SYN1: variants seen among roughly 807,000 people sequenced by gnomAD.
SYN1 encodes the protein synapsin-1.
A neutral mutation model predicts 44.6 loss-of-function variants in SYN1; 8 were observed. The ratio of observed to expected loss-of-function variants is 0.18; its 90% CI spans 0.11 to 0.32. The LOEUF (loss-of-function observed/expected upper bound fraction) is 0.32. Among genes scored for constraint, SYN1 ranks in the 10% least tolerant of loss-of-function variants. The pLI is 1.00. For missense variants in SYN1, 451 were observed against 639.4 expected (o/e 0.71, Z 3.18); for synonymous variants, 275 against 280.1 (o/e 0.98, Z 0.18).
chrX:47,597,405 G>A (rs181806132), intron 5 of SYN1, among the ~76,000 whole-genome samples: 1 of 110,299 alleles, frequency 9.1e-6, no homozygotes, highest in Admixed American at 9.8e-5. Context: ...TCACTAGAGG[G>A]GATCAACAGT....
At chrX:47,611,465 G>C (rs2057916496) in intron 1 of SYN1, among the ~76,000 whole-genome samples, 3 of 112,212 alleles carry the variant, frequency 2.7e-5, no homozygotes, top group Middle Eastern at 4.6e-3. Flanking sequence ...TAAGACCTCA[G>C]GTACAGCAGG....
chrX:47,584,844 C>A lies in SYN1; in HGVS notation c.775-7343G>T, dbSNP rs553053209. On this transcript the variant is annotated intron_variant, in intron 5 of 12. Coordinates refer to ENST00000295987, the MANE Select transcript of SYN1 (RefSeq NM_006950.3). ...ATCCAATAACCCCTATTTATGTATG[C>A]GCTTTGCTGGTATGATGATGATGAT... 6.4e-6 allele frequency: 5 copies of A among 775,678 alleles called. No homozygotes were observed. In the South Asian group the frequency reaches 9.5e-5, roughly 15 times the overall value. The allele number at this position is 775,678 out of a possible 1,213,427, so 63.9% of individuals were successfully genotyped here.
At position 47,605,492 on chromosome X, in the gene SYN1, T is replaced by G. The variant is rs1167276036; in HGVS notation, c.528-113A>C. 1.1e-5 allele frequency: 10 copies of G among 939,027 alleles called. No individual in the cohort carries two copies. In the Admixed American group the frequency reaches 2.6e-4, roughly 24 times the overall value. The allele number at this position is 939,027 out of a possible 1,213,427, so 77.4% of individuals were successfully genotyped here. A position where few individuals can be genotyped will look rare whatever the true frequency, so the allele number is the denominator to read the frequency against. On this transcript the variant is annotated intron_variant, in intron 3 of 12. Transcript: ENST00000295987. Reference sequence around the variant, plus strand: ...AGCTCCCAGAAATTGCAAAGTGGTTTCTCACCTCTGCACACATGTGTGAGC... The same window carrying G: ...AGCTCCCAGAAATTGCAAAGTGGTTGCTCACCTCTGCACACATGTGTGAGC...
At chrX:47,587,519 C>T (rs1357225100) in intron 5 of SYN1, 3 of 113,014 alleles carry the variant, frequency 2.7e-5, no homozygotes, top group Non-Finnish European at 5.6e-5. Flanking sequence ...CTCCTCTGAC[C>T]AACTTGGAAG....
At chrX:47,573,358 C>A (rs898854929) in intron 12 of SYN1, among the ~76,000 whole-genome samples, 2 of 111,360 alleles carry the variant, frequency 1.8e-5, no homozygotes, top group Non-Finnish European at 3.8e-5. Context: ...AGTTTCCAAT[C>A]TAAGGGTGAG....
chrX:47,586,875 A>T, intron 5 of SYN1: 1 of 515,120 alleles, frequency 1.9e-6, no homozygotes, highest in Non-Finnish European at 3.0e-6. Flanking sequence ...GGGATGAGGG[A>T]TGCCAAATGT....
chrX:47,591,919 C>G (rs1256526327), intron 5 of SYN1, among the ~76,000 whole-genome samples: 2 of 111,893 alleles, frequency 1.8e-5, no homozygotes, highest in East Asian at 5.6e-4. Flanking sequence ...GCTCTAGTGA[C>G]TTGAGTCACT....
At chrX:47,595,338 G>A (rs929799674) in intron 5 of SYN1, among the ~76,000 whole-genome samples, 6 of 112,243 alleles carry the variant, frequency 5.3e-5, no homozygotes, top group Non-Finnish European at 1.1e-4. Flanking sequence ...TGTGGACCCC[G>A]ATTTATAGCT....
intron 5 of SYN1, chrX:47,586,906 A>G (rs751038888): frequency 6.8e-6 from 3 of 439,072 alleles, no homozygotes; most frequent in Non-Finnish European, 1.2e-5. Context: ...TATTTTACTT[A>G]AATTCTGATG....
At chrX:47,606,699 A>G (rs1323490982) in intron 3 of SYN1, among the ~76,000 whole-genome samples, 1 of 108,216 alleles carries the variant, frequency 9.2e-6, no homozygotes. Flanking sequence ...AGTGCACTCC[A>G]GCCTGGGAGA....
At chrX:47,582,556 G>A (rs776441677) in intron 5 of SYN1, 7 of 359,046 alleles carry the variant, frequency 1.9e-5, no homozygotes, top group Middle Eastern at 4.5e-4. Context: ...GTGCACTCCC[G>A]TGCCAGATGC....
intron 1 of SYN1, among the ~76,000 whole-genome samples, chrX:47,610,770 C>T (rs1408833614): frequency 2.7e-5 from 3 of 110,648 alleles, no homozygotes; most frequent in African/African-American, 9.9e-5. Context: ...AAACAATGGC[C>T]CACACTAAGT....
chrX:47,591,884 A>G (rs771956563), intron 5 of SYN1, among the ~76,000 whole-genome samples: 1 of 111,751 alleles, frequency 8.9e-6, no homozygotes, highest in South Asian at 3.7e-4. Context: ...GGCAAAAACG[A>G]AACTTTACTA....
intron 5 of SYN1, among the ~76,000 whole-genome samples, chrX:47,588,355 C>T (rs377565884): frequency 1.8e-5 from 2 of 112,865 alleles, no homozygotes; most frequent in Admixed American, 1.9e-4. Flanking sequence ...ATTCGCCAAA[C>T]CTTAGTGTCA....
intron 5 of SYN1, chrX:47,586,041 C>T: frequency 1.0e-6 from 1 of 974,748 alleles, no homozygotes; most frequent in Non-Finnish European, 1.3e-6. Flanking sequence ...TTCCTCAGCA[C>T]ATCTGCTTGT....
At chrX:47,582,433 G>T (rs1383799896) in intron 5 of SYN1, 3 of 246,908 alleles carry the variant, frequency 1.2e-5, no homozygotes, top group Non-Finnish European at 2.4e-5. Context: ...CTCAGGCCCT[G>T]CCGCCATCGC....
At chrX:47,590,382 C>G (rs774920535) in intron 5 of SYN1, among the ~76,000 whole-genome samples, 37 of 111,531 alleles carry the variant, frequency 3.3e-4, no homozygotes, top group African/African-American at 1.2e-3. Flanking sequence ...CACCCTGGAA[C>G]AAAAAGTCCC....
chrX:47,598,031 C>T (rs1442179810), intron 5 of SYN1, among the ~76,000 whole-genome samples: 3 of 112,438 alleles, frequency 2.7e-5, no homozygotes, highest in African/African-American at 9.7e-5. Context: ...AAATGCTAAA[C>T]GGAGTCCTTC....
chrX:47,619,799 C>T lies in SYN1; in HGVS notation c.-71G>A. On this transcript the variant is annotated 5_prime_UTR_variant, in exon 1 of 13. Transcript: ENST00000295987. ...GCCGCGGGGGCGGACTGCGCGGTGC[C>T]CAGGAGCACAGCTGCGCTCTCAGGC... 9.4e-7 allele frequency: 1 copy of T among 1,066,960 alleles called. No individual in the cohort carries two copies. The highest frequency in any genetic ancestry group is 2.7e-5 in the Admixed American group (1 of 37,734). 87.9% of individuals were successfully genotyped at this position (1,066,960 alleles called of 1,213,427 possible).
Sources: gnomAD v4.1 joint callset for allele counts (sites outside exome capture counted in the v4.1 genomes callset) on GRCh38, gnomAD v4.1.1 for gene constraint, MANE v1.5 for transcripts, NCBI Gene and HGNC (gene_info 2026-07-23, HGNC 2026-07-21) for gene names.